The following GALNT7 variants were observed in gnomAD, a reference collection of about 807,000 sequenced individuals.
The protein encoded by GALNT7 is polypeptide N-acetylgalactosaminyltransferase 7.
In GALNT7, 60 loss-of-function variants were observed where a neutral mutation model predicts 82.1. The ratio of observed to expected loss-of-function variants is 0.73; its 90% CI spans 0.59 to 0.91. The LOEUF (loss-of-function observed/expected upper bound fraction) is 0.91. Ranked by LOEUF, GALNT7 falls within the 40% of genes least tolerant of loss-of-function variation. The pLI is 0.00. For missense variants in GALNT7, 660 were observed against 804.2 expected, an observed-to-expected ratio of 0.82 and a Z score of 2.17; for synonymous variants, 243 against 275.1, an observed-to-expected ratio of 0.88 and a Z score of 1.15.
chr4:173,249,118 C>T (rs1440317084), intron 2 of GALNT7, among the ~76,000 whole-genome samples: 1 of 152,164 alleles, frequency 6.6e-6, no homozygotes, highest in Non-Finnish European at 1.5e-5. Context: ...CAAAGCTTTT[C>T]TCTTTCAGTT....
At chr4:173,268,894 A>G (rs1336935439) in intron 2 of GALNT7, among the ~76,000 whole-genome samples, 1 of 152,142 alleles carries the variant, frequency 6.6e-6, no homozygotes, top group Admixed American at 6.5e-5. Context: ...GTGCATGCCC[A>G]TCAGGCATCT....
intron 1 of GALNT7, among the ~76,000 whole-genome samples, chr4:173,183,518 A>T (rs147016537): frequency 0.014 from 2,065 of 152,108 alleles, 40 homozygotes; most frequent in East Asian, 0.057. Context: ...TTTTCTTAGT[A>T]CAGAACAAAA....
chr4:173,221,212 T>TA (rs1440543342), intron 1 of GALNT7, among the ~76,000 whole-genome samples: 2 of 152,200 alleles, frequency 1.3e-5, no homozygotes, highest in Admixed American at 1.3e-4. Flanking sequence ...TGTGAGATGA[T>TA]ATCTCATTGT....
intron 2 of GALNT7, among the ~76,000 whole-genome samples, chr4:173,256,175 C>G (rs1272744470): frequency 2.0e-5 from 3 of 152,120 alleles, no homozygotes; most frequent in African/African-American, 7.2e-5. Flanking sequence ...AGTTTACCGG[C>G]TTTAAGACTC....
chr4:173,319,789 A>G (rs992757852), intron 11 of GALNT7, among the ~76,000 whole-genome samples: 14 of 152,206 alleles, frequency 9.2e-5, no homozygotes, highest in African/African-American at 3.4e-4. Flanking sequence ...ACGCTATTAT[A>G]TAATGGCAGA....
intron 2 of GALNT7, among the ~76,000 whole-genome samples, chr4:173,270,280 T>G (rs752626473): frequency 3.1e-4 from 47 of 152,298 alleles, no homozygotes; most frequent in South Asian, 1.4e-3. Flanking sequence ...TATAGCAGAT[T>G]GACATCAGCT....
Position 173,299,448 on chromosome 4 carries a change from C to T in GALNT7, c.1148+1151C>T, listed in dbSNP as rs569985340. On this transcript the variant is annotated intron_variant, in intron 6 of 11. Transcript: ENST00000265000. Reference sequence around the variant, plus strand: ...CAGTAAAGAAAATTTTTAAAGTGACCTAGAAAAATTAAAGGGAGGTTATCT... The same window carrying T: ...CAGTAAAGAAAATTTTTAAAGTGACTTAGAAAAATTAAAGGGAGGTTATCT... Among the ~76,000 whole-genome samples the T allele has an allele frequency of 3.9e-4, 60 of 152,038 alleles. No homozygotes were observed. In the Middle Eastern group the frequency reaches 0.014, roughly 34 times the overall value.
intron 2 of GALNT7, among the ~76,000 whole-genome samples, chr4:173,267,029 A>G (rs1284778626): frequency 2.0e-5 from 3 of 152,064 alleles, no homozygotes; most frequent in Admixed American, 2.0e-4. Context: ...GCAGGTGACC[A>G]TAGTTAACAA....
chr4:173,208,254 C>T (rs1051042595), intron 1 of GALNT7, among the ~76,000 whole-genome samples: 1 of 151,986 alleles, frequency 6.6e-6, no homozygotes. Context: ...TTATTTTCTA[C>T]CTAACAGCAT....
At chr4:173,203,537 T>C (rs1167254753) in intron 1 of GALNT7, among the ~76,000 whole-genome samples, 1 of 152,248 alleles carries the variant, frequency 6.6e-6, no homozygotes, top group Non-Finnish European at 1.5e-5. Flanking sequence ...AATCCTTCAT[T>C]CTGCTCTTCT....
intron 2 of GALNT7, among the ~76,000 whole-genome samples, chr4:173,272,414 T>G (rs1735760517): frequency 6.6e-6 from 1 of 152,232 alleles, no homozygotes; most frequent in Non-Finnish European, 1.5e-5. Context: ...CTAAAATGTT[T>G]TCTAAAATTT....
chr4:173,260,818 T>C (rs1419184441), intron 2 of GALNT7, among the ~76,000 whole-genome samples: 1 of 152,188 alleles, frequency 6.6e-6, no homozygotes, highest in African/African-American at 2.4e-5. Flanking sequence ...TTGAAATAAA[T>C]GTGAAGTATG....
At chr4:173,222,165 G>A (rs1733666339) in intron 1 of GALNT7, among the ~76,000 whole-genome samples, 1 of 152,186 alleles carries the variant, frequency 6.6e-6, no homozygotes, top group East Asian at 1.9e-4. Flanking sequence ...CTTTGTGTGA[G>A]TGGGGGCATT....
chr4:173,228,539 T>A (rs1285940009), intron 1 of GALNT7, among the ~76,000 whole-genome samples: 1 of 152,114 alleles, frequency 6.6e-6, no homozygotes, highest in African/African-American at 2.4e-5. Context: ...TTGGCTAGTA[T>A]ACAGGCTGCA....
chr4:173,226,892 G>GA (rs1291763827), intron 1 of GALNT7, among the ~76,000 whole-genome samples: 3 of 152,130 alleles, frequency 2.0e-5, no homozygotes, highest in Non-Finnish European at 4.4e-5. Context: ...GGAAGACCTC[G>GA]AAATACTTTA....
chr4:173,179,026 T>A (rs1378213705), intron 1 of GALNT7, among the ~76,000 whole-genome samples: 1 of 152,224 alleles, frequency 6.6e-6, no homozygotes, highest in Middle Eastern at 3.2e-3. Flanking sequence ...CTTAACATGC[T>A]CAGTGATTAT....
intron 1 of GALNT7, among the ~76,000 whole-genome samples, chr4:173,197,855 G>A (rs925512684): frequency 1.3e-5 from 2 of 152,170 alleles, no homozygotes; most frequent in African/African-American, 2.4e-5. Context: ...CAGCTGGGTC[G>A]ATTAGGGTGG....
intron 2 of GALNT7, among the ~76,000 whole-genome samples, chr4:173,290,428 G>A (rs1441079834): frequency 6.6e-6 from 1 of 152,154 alleles, no homozygotes; most frequent in Non-Finnish European, 1.5e-5. Flanking sequence ...GTCTACATGA[G>A]TAGACAAAAT....
chr4:173,251,581 A>C (rs1191787215), intron 2 of GALNT7, among the ~76,000 whole-genome samples: 1 of 152,114 alleles, frequency 6.6e-6, no homozygotes, highest in Non-Finnish European at 1.5e-5. Context: ...TCCTTTGAAA[A>C]TTTCAGACAC....
Sources: allele counts gnomAD v4.1 joint callset (sites outside exome capture counted in the v4.1 genomes callset), GRCh38; gene constraint gnomAD v4.1.1; transcripts MANE v1.5; gene names NCBI Gene and HGNC (gene_info 2026-07-23, HGNC 2026-07-21).